The following LNX1 variants were observed in gnomAD, a reference collection of about 807,000 sequenced individuals.
LNX1 encodes E3 ubiquitin-protein ligase LNX.
Under a neutral mutation model 68.4 loss-of-function variants are expected in LNX1, and 54 were observed. The ratio of observed to expected loss-of-function variants is 0.79; its 90% CI spans 0.63 to 0.99. The LOEUF (loss-of-function observed/expected upper bound fraction) is 0.99, where lower values mean the gene tolerates loss of function less well. Among genes scored for constraint, LNX1 ranks in the 50% least tolerant of loss-of-function variants. LNX1 has a pLI of 0.00. For synonymous variants in LNX1, 336 were observed against 350.0 expected, an observed-to-expected ratio of 0.96 and a Z score of 0.45; for missense variants, 906 against 926.4, an observed-to-expected ratio of 0.98 and a Z score of 0.29.
intron 5 of LNX1, among the ~76,000 whole-genome samples, chr4:53,497,073 T>C (rs1432496830): frequency 1.3e-5 from 2 of 152,200 alleles, no homozygotes; most frequent in African/African-American, 4.8e-5. Context: ...TCAGACAAAC[T>C]GATATGAAAG....
At chr4:53,548,419 A>G (rs1354652186) in intron 2 of LNX1, among the ~76,000 whole-genome samples, 1 of 152,234 alleles carries the variant, frequency 6.6e-6, no homozygotes, top group African/African-American at 2.4e-5. Flanking sequence ...GTATATGTAT[A>G]TAATTTTATA....
chr4:53,587,185 A>G (rs1304794806), intron 1 of LNX1, among the ~76,000 whole-genome samples: 1 of 152,208 alleles, frequency 6.6e-6, no homozygotes, highest in Non-Finnish European at 1.5e-5. Flanking sequence ...CTAACCAAAT[A>G]GGTCACTGTG....
Position 53,460,994 on chromosome 4 carries a change from C to A in LNX1, c.2100G>T (p.Met700Ile). 1 of 1,606,268 alleles carries A rather than the reference C, an allele frequency of 6.2e-7. No individual in the cohort carries two copies. Among genetic ancestry groups the A allele is most frequent in the South Asian group, 1.1e-5 (1 of 89,722 alleles). ...LAVNGRSTSG[M>I]IHACLARLLK... ...GCAGTCTTGCCAAGCAAGCATGTAT[C>A]ATTCCTGATGTACTTCTACCATTGA... is the stretch of plus-strand genomic sequence containing the variant. The change falls in exon 11 of 11, where the codon ATG (methionine) becomes ATT (isoleucine). Residue 700 changes from methionine to isoleucine, a missense_variant. Met to Ile is a conservative substitution (Grantham distance 10, BLOSUM62 1). Transcript: ENST00000263925.
At position 53,460,821 on chromosome 4, in the gene LNX1, A is replaced by T; in HGVS notation, c.*86T>A. ...TTTTTACAATGTATTCTTTCTTTAA[A>T]TATAAAAACTGACAAGATAAATATA... On this transcript the variant is annotated 3_prime_UTR_variant, in exon 11 of 11. Transcript: ENST00000263925. The T allele has an allele frequency of 7.9e-7, 1 of 1,271,382 alleles. No individual in the cohort carries two copies. Among genetic ancestry groups the T allele is most frequent in the Middle Eastern group, 1.9e-4 (1 of 5,216 alleles). The allele number at this position is 1,271,382 out of a possible 1,614,324, so 78.8% of individuals were successfully genotyped here.
At chr4:53,493,021 G>A (rs1724809547) in intron 6 of LNX1, among the ~76,000 whole-genome samples, 1 of 152,064 alleles carries the variant, frequency 6.6e-6, no homozygotes, top group Admixed American at 6.5e-5. Flanking sequence ...CCAGGCTGGA[G>A]TGCAGTGGTG....
At chr4:53,634,070 C>T (rs916308891) in intron 1 of LNX1, among the ~76,000 whole-genome samples, 10 of 152,058 alleles carry the variant, frequency 6.6e-5, no homozygotes, top group African/African-American at 1.9e-4. Context: ...AGGAAGTATG[C>T]GATAAATCAT....
At chr4:53,595,665 C>T (rs1420389750), upstream of LNX1, among the ~76,000 whole-genome samples, 1 of 152,128 alleles carries the variant, frequency 6.6e-6, no homozygotes, top group Non-Finnish European at 1.5e-5. Context: ...CCAGCCGGCT[C>T]ACTTGGGCTT....
chr4:53,627,034 G>C (rs898137055), intron 1 of LNX1, among the ~76,000 whole-genome samples: 1 of 152,146 alleles, frequency 6.6e-6, no homozygotes, highest in African/African-American at 2.4e-5. Context: ...AGTGGGGTGT[G>C]GGAGCACTGC....
rs114898573 is a variant in LNX1, at chr4:53,495,844, G to A, written c.1350+179C>T. On this transcript the variant is annotated intron_variant, in intron 6 of 10. Transcript: ENST00000263925. ...CAGGCATGGGCCACCACGCCCAGCCGAGTAATGTTCTTACCTGGGCAGAAG... is the reference window on the plus strand; with the variant it reads ...CAGGCATGGGCCACCACGCCCAGCCAAGTAATGTTCTTACCTGGGCAGAAG... Among the ~76,000 whole-genome samples the A allele has an allele frequency of 2.2e-3, 337 of 152,204 alleles. 2 individuals carry two copies. The highest frequency in any genetic ancestry group is 7.7e-3 in the African/African-American group (320 of 41,542).
intron 2 of LNX1, among the ~76,000 whole-genome samples, chr4:53,537,725 G>A (rs1728473223): frequency 6.6e-6 from 1 of 152,206 alleles, no homozygotes; most frequent in African/African-American, 2.4e-5. Flanking sequence ...TCATTAGGCT[G>A]TGCCCCGAGT....
intron 1 of LNX1, among the ~76,000 whole-genome samples, chr4:53,580,228 A>ACCGTTAC (rs1364445540): frequency 6.6e-6 from 1 of 152,154 alleles, no homozygotes; most frequent in Non-Finnish European, 1.5e-5. Flanking sequence ...CACAAGTGCC[A>ACCGTTAC]CCGTTACCCT....
chr4:53,641,750 A>G (rs1418264117), intron 1 of LNX1, among the ~76,000 whole-genome samples: 1 of 152,236 alleles, frequency 6.6e-6, no homozygotes, highest in Non-Finnish European at 1.5e-5. Context: ...TGCACATTCC[A>G]GAACTCCATA....
At chr4:53,561,465 A>G (rs1319628974) in intron 2 of LNX1, among the ~76,000 whole-genome samples, 1 of 152,098 alleles carries the variant, frequency 6.6e-6, no homozygotes, top group African/African-American at 2.4e-5. Flanking sequence ...TGATCTCATG[A>G]TCCGCCCACG....
At chr4:53,476,705 T>C (rs768113442) in intron 9 of LNX1, 48 bp downstream of exon 9, 102 of 1,490,996 alleles carry the variant, frequency 6.8e-5, no homozygotes, top group Non-Finnish European at 9.0e-5. Flanking sequence ...TTAAGAAATG[T>C]AATCGTTTTC....
intron 4 of LNX1, among the ~76,000 whole-genome samples, chr4:53,505,538 C>T (rs927095754): frequency 6.6e-6 from 1 of 152,154 alleles, no homozygotes; most frequent in African/African-American, 2.4e-5. Flanking sequence ...AGGAGTAAGC[C>T]ACCACGTCTG....
intron 9 of LNX1, among the ~76,000 whole-genome samples, chr4:53,468,002 T>C (rs1579353794): frequency 6.6e-6 from 1 of 152,164 alleles, no homozygotes. Context: ...GCCACAAAGA[T>C]AGTCCTCAAG....
At chr4:53,519,441 T>G (rs898993863) in intron 2 of LNX1, among the ~76,000 whole-genome samples, 1 of 145,056 alleles carries the variant, frequency 6.9e-6, no homozygotes, top group African/African-American at 2.7e-5. Flanking sequence ...GTTCAGTGTT[T>G]TTTTTTTTTT....
intron 2 of LNX1, among the ~76,000 whole-genome samples, chr4:53,552,802 C>T (rs1225462103): frequency 7.2e-6 from 1 of 138,122 alleles, no homozygotes; most frequent in Non-Finnish European, 1.5e-5. Context: ...GTATTCCAGC[C>T]TGGGCAACAG....
chr4:53,535,869 T>C (rs1351471633), intron 2 of LNX1, among the ~76,000 whole-genome samples: 1 of 152,208 alleles, frequency 6.6e-6, no homozygotes, highest in Non-Finnish European at 1.5e-5. Context: ...TGTCTACATT[T>C]GATATGACCC....
Sources: allele counts gnomAD v4.1 joint callset (sites outside exome capture counted in the v4.1 genomes callset), GRCh38; gene constraint gnomAD v4.1.1; transcripts MANE v1.5; gene names NCBI Gene and HGNC (gene_info 2026-07-23, HGNC 2026-07-21).